BTD: variants seen among roughly 807,000 people sequenced by gnomAD.
BTD encodes the protein biotinidase, also known as biocytinase.
In BTD, 13 loss-of-function variants were observed where a neutral mutation model predicts 17.7. The observed-to-expected ratio is 0.74, with a 90% CI of 0.48 to 1.17. The LOEUF is 1.17. Among genes scored for constraint, BTD ranks in the 50% most tolerant of loss-of-function variants. The pLI, the probability that BTD is intolerant of heterozygous loss-of-function variation, is 0.00. For missense variants in BTD, 674 were observed against 650.4 expected, an observed-to-expected ratio of 1.04 and a Z score of -0.39; for synonymous variants, 240 against 245.2, an observed-to-expected ratio of 0.98 and a Z score of 0.20.
chr3:15,656,787 A>G (rs1239798649), downstream of BTD, among the ~76,000 whole-genome samples: 3 of 152,200 alleles, frequency 2.0e-5, no homozygotes, highest in Non-Finnish European at 4.4e-5. Flanking sequence ...GTGATTATCT[A>G]TTGCTAAGTG....
intron 3 of BTD, chr3:15,668,742 C>T (rs1434540979): frequency 3.3e-5 from 5 of 152,578 alleles, no homozygotes; most frequent in Non-Finnish European, 2.9e-5. Context: ...AAAAAACCCA[C>T]AAAATTATCA....
exon 4 of BTD, chr3:15,711,373 C>CA: frequency 3.0e-6 from 3 of 984,640 alleles, no homozygotes; most frequent in Non-Finnish European, 4.7e-6. Flanking sequence ...CCTCCAATCC[C>CA]AAACAAAACT....
In BTD at chr3:15,644,662, C is replaced by A; in HGVS notation, c.746C>A (p.Pro249Gln). The change falls in exon 4 of 4, where the codon CCA becomes CAA. Residue 249 changes from proline to glutamine, a missense_variant. Pro to Gln is a moderately conservative substitution (Grantham distance 76, BLOSUM62 -1). Transcript: ENST00000643237. ...TACAAGGTGAAGCATGTTGTGTACC[C>A]AACTGCCTGGATGAACCAGCTCCCA... ...RDYKVKHVVY[P>Q]TAWMNQLPLL... 1 of 1,614,156 alleles carries A rather than the reference C, an allele frequency of 6.2e-7. No individual in the cohort carries two copies. Among genetic ancestry groups the A allele is most frequent in the Non-Finnish European group, 8.5e-7 (1 of 1,180,028 alleles).
At chr3:15,676,408 A>T (rs867143141) in intron 3 of BTD, among the ~76,000 whole-genome samples, 1 of 152,264 alleles carries the variant, frequency 6.6e-6, no homozygotes, top group Non-Finnish European at 1.5e-5. Context: ...GCTTACAAGC[A>T]TCATGACTAA....
intron 3 of BTD, among the ~76,000 whole-genome samples, chr3:15,663,033 T>C (rs2065941378): frequency 6.6e-6 from 1 of 152,040 alleles, no homozygotes; most frequent in Non-Finnish European, 1.5e-5. Flanking sequence ...GTTTCGCTCT[T>C]GTCATCCAGG....
downstream of BTD, among the ~76,000 whole-genome samples, chr3:15,654,827 C>T (rs574680642): frequency 2.0e-3 from 299 of 152,150 alleles, no homozygotes; most frequent in African/African-American, 6.9e-3. Context: ...CTCTGCGTCC[C>T]GGGTTCAAGC....
downstream of BTD, among the ~76,000 whole-genome samples, chr3:15,716,159 TTTA>T (rs2073003794): frequency 6.6e-6 from 1 of 151,774 alleles, no homozygotes; most frequent in Non-Finnish European, 1.5e-5. Context: ...ATTTTTGTAT[TTTA>T]GTAGAGATGG....
chr3:15,637,420 TG>T (rs1473426517), intron 2 of BTD, among the ~76,000 whole-genome samples: 1 of 152,176 alleles, frequency 6.6e-6, no homozygotes, highest in African/African-American at 2.4e-5. Flanking sequence ...ACACACATGC[TG>T]CCATTGCCAT....
chr3:15,682,973 C>A (rs1403023719), intron 3 of BTD, among the ~76,000 whole-genome samples: 1 of 152,192 alleles, frequency 6.6e-6, no homozygotes, highest in Non-Finnish European at 1.5e-5. Context: ...TTGCAAAATT[C>A]TGTCTCTTGC....
At chr3:15,661,563 G>A (rs192493767) in intron 3 of BTD, among the ~76,000 whole-genome samples, 3 of 152,142 alleles carry the variant, frequency 2.0e-5, no homozygotes, top group Admixed American at 6.5e-5. Context: ...TTCTTTATCC[G>A]TCTTTTGCAA....
At chr3:15,601,933 T>C (rs781048055) in intron 1 of BTD, 39 bp downstream of exon 1, 1 of 1,611,578 alleles carries the variant, frequency 6.2e-7, no homozygotes, top group Non-Finnish European at 8.5e-7. Context: ...GGGGGTGTGG[T>C]AAGGGCGTGC....
At chr3:15,685,536 C>G in intron 3 of BTD, 1 of 1,068,372 alleles carries the variant, frequency 9.4e-7, no homozygotes, top group South Asian at 1.4e-5. Context: ...AGACCATACT[C>G]TCCATATCCT....
chr3:15,690,008 A>G (rs2068602193), intron 3 of BTD: 2 of 1,593,434 alleles, frequency 1.3e-6, no homozygotes, highest in African/African-American at 1.3e-5. Flanking sequence ...CAAGCATAAT[A>G]TCTGGCATAC....
intron 3 of BTD, among the ~76,000 whole-genome samples, chr3:15,662,365 G>C (rs2065933078): frequency 6.6e-6 from 1 of 151,992 alleles, no homozygotes; most frequent in Admixed American, 6.6e-5. Context: ...TGTATGTTGG[G>C]TACAAATGTA....
In BTD at chr3:15,604,184, C is replaced by G. The variant is rs565470790; in HGVS notation, c.-17+2290C>G. Among the ~76,000 whole-genome samples, 443 of 152,384 alleles carry G rather than the reference C, an allele frequency of 2.9e-3. 1 individual carries two copies. The highest frequency in any genetic ancestry group is 4.6e-3 in the Non-Finnish European group (316 of 68,044). Reference sequence around the variant, plus strand: ...GAGGTTCTCTATGAGGGCTCTACCCCTGCAACAAGCTTCTGCCTGGACATC... The same window carrying G: ...GAGGTTCTCTATGAGGGCTCTACCCGTGCAACAAGCTTCTGCCTGGACATC... On this transcript the variant is annotated intron_variant, in intron 1 of 3. Coordinates refer to ENST00000643237, the MANE Select transcript of BTD (RefSeq NM_001370658.1).
At chr3:15,698,828 T>C (rs1432000398) in intron 3 of BTD, among the ~76,000 whole-genome samples, 8 of 152,180 alleles carry the variant, frequency 5.3e-5, no homozygotes, top group Non-Finnish European at 1.2e-4. Flanking sequence ...AGGTACTTTA[T>C]AGATTGAATG....
intron 3 of BTD, among the ~76,000 whole-genome samples, chr3:15,687,250 C>G (rs2455809): frequency 0.82 from 125,231 of 152,056 alleles, 51,737 homozygotes; most frequent in East Asian, 0.94. Flanking sequence ...GCCTGCCTTT[C>G]GACATTGTAT....
chr3:15,681,705 C>T (rs2067564812), intron 3 of BTD, among the ~76,000 whole-genome samples: 1 of 152,088 alleles, frequency 6.6e-6, no homozygotes, highest in Non-Finnish European at 1.5e-5. Flanking sequence ...TGTGTTCCAT[C>T]TTTTGTCAGT....
intron 1 of BTD, among the ~76,000 whole-genome samples, chr3:15,631,087 T>G (rs1312231395): frequency 6.6e-6 from 1 of 152,242 alleles, no homozygotes; most frequent in Non-Finnish European, 1.5e-5. Context: ...ATTTAGACAA[T>G]GAAGTCACGA....
Sources: gnomAD v4.1 joint callset for allele counts (sites outside exome capture counted in the v4.1 genomes callset) on GRCh38, gnomAD v4.1.1 for gene constraint, MANE v1.5 for transcripts, NCBI Gene and HGNC (gene_info 2026-07-23, HGNC 2026-07-21) for gene names.